The following FBN2 variants were observed in gnomAD, a reference collection of about 807,000 sequenced individuals.
FBN2 encodes the protein fibrillin-2.
A neutral mutation model predicts 355.6 loss-of-function variants in FBN2; 105 were observed. The ratio of observed to expected loss-of-function variants is 0.30; its 90% CI spans 0.25 to 0.35. The LOEUF is 0.35. Ranked by LOEUF, FBN2 falls within the 10% of genes least tolerant of loss-of-function variation. The pLI is 1.00. For synonymous variants in FBN2, 1,350 were observed against 1,301.2 expected (o/e 1.04, Z -0.81); for missense variants, 3,280 against 3,758.7 (o/e 0.87, Z 3.33).
At chr5:128,474,149 A>AAAGTG (rs770114491) in intron 5 of FBN2, among the ~76,000 whole-genome samples, 3 of 152,234 alleles carry the variant, frequency 2.0e-5, no homozygotes, top group Non-Finnish European at 4.4e-5. Flanking sequence ...TATAACCCTA[A>AAAGTG]AAGTGCACTC....
rs564505265 is a variant in FBN2, at chr5:128,326,571, G to A, written c.4471+2125C>T. Among the ~76,000 whole-genome samples, 14 of 152,248 alleles carry A rather than the reference G, an allele frequency of 9.2e-5. 1 individual carries two copies. The South Asian group carries it at 2.1e-3, about 23-fold the overall frequency. ...GGATGCTTAGTGGAAAATATTCATC[G>A]GAGGATCATGTATTTATAATAAGAT... On this transcript the variant is annotated intron_variant, in intron 34 of 64. Transcript: ENST00000262464.
intron 62 of FBN2, 27 bp downstream of exon 62, chr5:128,271,972 A>G (rs1765278240): frequency 6.2e-7 from 1 of 1,613,532 alleles, no homozygotes; most frequent in Non-Finnish European, 8.5e-7. Flanking sequence ...GAGAAAAGCA[A>G]GTGCGATGGA....
chr5:128,360,248 A>T (rs903149505), intron 19 of FBN2, among the ~76,000 whole-genome samples: 8 of 152,154 alleles, frequency 5.3e-5, no homozygotes, highest in Admixed American at 2.6e-4. Flanking sequence ...TTCATAAAGT[A>T]CATTTCTCAG....
At chr5:128,401,681 T>C (rs10057231) in intron 8 of FBN2, among the ~76,000 whole-genome samples, 16,760 of 152,092 alleles carry the variant, frequency 0.11, 1,097 homozygotes, top group African/African-American at 0.17. Context: ...CTTGGAAGGC[T>C]GAGGCAGGGT....
chr5:128,499,567 G>C, intron 5 of FBN2, among the ~76,000 whole-genome samples: 1 of 152,126 alleles, frequency 6.6e-6, no homozygotes, highest in Non-Finnish European at 1.5e-5. Context: ...GCAAATCACT[G>C]TATTCAGAGT....
intron 62 of FBN2, among the ~76,000 whole-genome samples, chr5:128,271,187 T>G (rs936306704): frequency 2.6e-5 from 4 of 152,214 alleles, no homozygotes; most frequent in African/African-American, 7.2e-5. Context: ...GAATAACCTG[T>G]GAAGTAATTT....
In FBN2 at chr5:128,335,167, C is replaced by T. The variant is rs1258059083; in HGVS notation, c.3973+3G>A. ...AATGTTTATCCTTTCTTATGATACC[C>T]ACCAATGCATGTTTTCATGTCCATG... On this transcript the variant is annotated splice_donor_region_variant and intron_variant, in intron 30 of 64. Coordinates refer to ENST00000262464, the MANE Select transcript of FBN2 (RefSeq NM_001999.4). 6.2e-7 allele frequency: 1 copy of T among 1,613,938 alleles called. No individual in the cohort carries two copies. The highest frequency in any genetic ancestry group is 1.3e-5 in the African/African-American group (1 of 74,866).
At chr5:128,447,865 G>C (rs993552075) in intron 6 of FBN2, among the ~76,000 whole-genome samples, 3 of 152,148 alleles carry the variant, frequency 2.0e-5, no homozygotes, top group Non-Finnish European at 4.4e-5. Context: ...CAACACTTAG[G>C]GAAATAGAAA....
intron 11 of FBN2, among the ~76,000 whole-genome samples, chr5:128,379,992 A>G (rs1488044411): frequency 6.6e-6 from 1 of 152,120 alleles, no homozygotes; most frequent in Admixed American, 6.6e-5. Context: ...CACCAACTTC[A>G]TTTATGTAAA....
intron 6 of FBN2, among the ~76,000 whole-genome samples, chr5:128,458,233 T>C (rs1357367109): frequency 6.6e-6 from 1 of 152,094 alleles, no homozygotes; most frequent in Non-Finnish European, 1.5e-5. Context: ...GGGCATTACG[T>C]AATGGTAAAG....
intron 5 of FBN2, among the ~76,000 whole-genome samples, chr5:128,494,513 T>C (rs1755599957): frequency 1.3e-5 from 2 of 152,162 alleles, no homozygotes; most frequent in Non-Finnish European, 2.9e-5. Context: ...GATCAGACTA[T>C]GGAGCAATTT....
intron 31 of FBN2, among the ~76,000 whole-genome samples, chr5:128,334,179 A>G (rs1750770782): frequency 6.6e-6 from 1 of 152,162 alleles, no homozygotes; most frequent in African/African-American, 2.4e-5. Flanking sequence ...AGGAAAGTGA[A>G]GAGAGGAAAA....
intron 48 of FBN2, among the ~76,000 whole-genome samples, chr5:128,295,392 T>C (rs1749475085): frequency 6.6e-6 from 1 of 151,032 alleles, no homozygotes; most frequent in South Asian, 2.1e-4. Context: ...GGTAGCTTCA[T>C]GGGGATGGCA....
chr5:128,300,830 G>A lies in FBN2; in HGVS notation c.6153C>T (p.Ser2051=), dbSNP rs888075207. 15 of 1,613,726 alleles carry A rather than the reference G, an allele frequency of 9.3e-6. No individual in the cohort carries two copies. The highest frequency in any genetic ancestry group is 4.0e-5 in the African/African-American group (3 of 74,878). Residue 2051 remains serine (S), a synonymous_variant, in exon 48 of 65, where the codon AGC becomes AGT. Transcript: ENST00000262464. ...CICPPGYEVK[S]ENCIDINECD... ...TGTTACTCTTACCAATGCAGTTCTC[G>A]CTTTTTACTTCATACCCTGGGGGAC...
intron 36 of FBN2, among the ~76,000 whole-genome samples, chr5:128,315,262 G>A (rs1370949045): frequency 6.6e-6 from 1 of 152,064 alleles, no homozygotes; most frequent in Non-Finnish European, 1.5e-5. Flanking sequence ...TTTAATGATA[G>A]CTAACTCAAT....
At chr5:128,454,226 C>T (rs1331773914) in intron 6 of FBN2, among the ~76,000 whole-genome samples, 1 of 152,128 alleles carries the variant, frequency 6.6e-6, no homozygotes, top group African/African-American at 2.4e-5. Flanking sequence ...GGTTTTGTTC[C>T]AGGATTTTGT....
At chr5:128,366,870 T>C (rs1050382132) in intron 16 of FBN2, among the ~76,000 whole-genome samples, 2 of 152,152 alleles carry the variant, frequency 1.3e-5, no homozygotes, top group Non-Finnish European at 1.5e-5. Flanking sequence ...CTAAATACTA[T>C]TGTATTTTCC....
chr5:128,523,301 G>A (rs913274814), intron 4 of FBN2, among the ~76,000 whole-genome samples: 3 of 152,086 alleles, frequency 2.0e-5, no homozygotes, highest in Non-Finnish European at 4.4e-5. Context: ...TATTGGTGCT[G>A]CCTTCTTCCT....
At chr5:128,263,975 A>G (rs922344999) in intron 62 of FBN2, among the ~76,000 whole-genome samples, 4 of 152,166 alleles carry the variant, frequency 2.6e-5, no homozygotes, top group Admixed American at 6.5e-5. Flanking sequence ...TCAAAAGCTT[A>G]TATCTCGGGC....
Sources: gnomAD v4.1 joint callset for allele counts (sites outside exome capture counted in the v4.1 genomes callset) on GRCh38, gnomAD v4.1.1 for gene constraint, MANE v1.5 for transcripts, NCBI Gene and HGNC (gene_info 2026-07-23, HGNC 2026-07-21) for gene names.